CTNNA2: variants seen among roughly 807,000 people sequenced by gnomAD.
The protein encoded by CTNNA2 is catenin alpha 2, also known as catenin alpha-2.
Under a neutral mutation model 101.0 loss-of-function variants are expected in CTNNA2, and 42 were observed. That is an observed-to-expected ratio of 0.42 (90% CI 0.32 to 0.54). The LOEUF (loss-of-function observed/expected upper bound fraction) is 0.54. CTNNA2 is among the 20% of genes least tolerant of loss of function. The pLI, the probability that CTNNA2 is intolerant of heterozygous loss-of-function variation, is 0.14. For synonymous variants in CTNNA2, 450 were observed against 456.4 expected, an observed-to-expected ratio of 0.99 and a Z score of 0.18; for missense variants, 871 against 1,223.1, an observed-to-expected ratio of 0.71 and a Z score of 4.29.
chr2:79,657,990 T>A (rs1296045755), intron 2 of CTNNA2, among the ~76,000 whole-genome samples: 1 of 151,802 alleles, frequency 6.6e-6, no homozygotes, highest in East Asian at 1.9e-4. Context: ...ACAAGTAATA[T>A]GAAAATGAGG....
chr2:80,396,526 G>T (rs1434413169), intron 8 of CTNNA2, among the ~76,000 whole-genome samples: 1 of 152,140 alleles, frequency 6.6e-6, no homozygotes, highest in Non-Finnish European at 1.5e-5. Context: ...GGCCCACATG[G>T]TCTGTCCATC....
intron 3 of CTNNA2, among the ~76,000 whole-genome samples, chr2:79,349,443 G>A (rs1414518274): frequency 6.6e-6 from 1 of 152,150 alleles, no homozygotes; most frequent in Non-Finnish European, 1.5e-5. Flanking sequence ...TGCCCCAAGT[G>A]ATTCTGATTT....
intron 8 of CTNNA2, among the ~76,000 whole-genome samples, chr2:80,399,402 T>G (rs1344644249): frequency 6.6e-6 from 1 of 152,196 alleles, no homozygotes; most frequent in African/African-American, 2.4e-5. Context: ...TCAATTTATT[T>G]CTATAAGCCA....
chr2:80,390,541 T>C (rs1395995242), intron 7 of CTNNA2, among the ~76,000 whole-genome samples: 1 of 152,202 alleles, frequency 6.6e-6, no homozygotes, highest in African/African-American at 2.4e-5. Context: ...CTGTAGCAAC[T>C]GCAGTTACAA....
At chr2:79,635,837 C>T (rs62140103) in intron 1 of CTNNA2, among the ~76,000 whole-genome samples, 26,296 of 151,612 alleles carry the variant, frequency 0.17, 2,478 homozygotes, top group East Asian at 0.36. Flanking sequence ...GACATATGAC[C>T]ATAGGAGTTG....
At chr2:80,076,277 CCTTTTTTTTTTTT>C (rs1292597509) in intron 7 of CTNNA2, among the ~76,000 whole-genome samples, 1 of 146,784 alleles carries the variant, frequency 6.8e-6, no homozygotes, top group East Asian at 2.0e-4. Context: ...ATCATTTTTT[CCTTTTTTTTTTTT>C]CTTTTTTAGA....
At chr2:79,231,217 A>G (rs991471637) in intron 2 of CTNNA2, among the ~76,000 whole-genome samples, 8 of 152,192 alleles carry the variant, frequency 5.3e-5, no homozygotes, top group African/African-American at 1.9e-4. Context: ...CTTGAATTGT[A>G]TCTCCCAAAA....
intron 3 of CTNNA2, among the ~76,000 whole-genome samples, chr2:79,358,770 G>A (rs1295832620): frequency 6.6e-6 from 1 of 152,172 alleles, no homozygotes; most frequent in Non-Finnish European, 1.5e-5. Flanking sequence ...TAAGTAAACA[G>A]GAGCTCAGAG....
At chr2:80,374,058 T>TA (rs1675696932) in intron 7 of CTNNA2, among the ~76,000 whole-genome samples, 1 of 142,632 alleles carries the variant, frequency 7.0e-6, no homozygotes, top group Non-Finnish European at 1.5e-5. Context: ...CTGGGAAACT[T>TA]TAAAAAAAAA....
intron 4 of CTNNA2, among the ~76,000 whole-genome samples, chr2:79,487,954 A>G (rs901281726): frequency 6.6e-6 from 1 of 152,218 alleles, no homozygotes; most frequent in African/African-American, 2.4e-5. Flanking sequence ...GCTTTGGCTT[A>G]CGACACAAAG....
At chr2:80,533,782 T>A (rs1281735760) in intron 9 of CTNNA2, among the ~76,000 whole-genome samples, 1 of 152,148 alleles carries the variant, frequency 6.6e-6, no homozygotes. Context: ...TTTTAGTTCC[T>A]CCATGTAAAG....
At chr2:80,023,520 C>A (rs116079989) in intron 7 of CTNNA2, among the ~76,000 whole-genome samples, 1 of 151,914 alleles carries the variant, frequency 6.6e-6, no homozygotes, top group Non-Finnish European at 1.5e-5. Flanking sequence ...CTATGAGCTA[C>A]GAAAGACAGA....
At chr2:80,328,518 T>A (rs1370024819) in intron 7 of CTNNA2, among the ~76,000 whole-genome samples, 2 of 152,222 alleles carry the variant, frequency 1.3e-5, no homozygotes, top group Non-Finnish European at 2.9e-5. Context: ...CCCTAGTGGC[T>A]GGAGTGGGTC....
At chr2:79,470,701 G>T (rs1288354565) in intron 4 of CTNNA2, among the ~76,000 whole-genome samples, 1 of 152,226 alleles carries the variant, frequency 6.6e-6, no homozygotes, top group Non-Finnish European at 1.5e-5. Flanking sequence ...GAATGCTTCT[G>T]ATGCAACCGT....
chr2:79,574,838 T>C (rs757632817), intron 1 of CTNNA2, among the ~76,000 whole-genome samples: 1 of 152,190 alleles, frequency 6.6e-6, no homozygotes, highest in Non-Finnish European at 1.5e-5. Flanking sequence ...CCACCAGCTG[T>C]GTATAAGTGT....
intron 18 of CTNNA2, among the ~76,000 whole-genome samples, chr2:80,625,634 G>C (rs184474935): frequency 1.3e-5 from 2 of 151,968 alleles, no homozygotes; most frequent in East Asian, 3.9e-4. Flanking sequence ...TTTTTTCCCT[G>C]GTTCCCTGCA....
At chr2:79,314,076 T>A (rs1441301970) in intron 3 of CTNNA2, among the ~76,000 whole-genome samples, 1 of 152,072 alleles carries the variant, frequency 6.6e-6, no homozygotes, top group African/African-American at 2.4e-5. Context: ...TCACCTAAGG[T>A]GAGGAATCAT....
chr2:79,185,787 A>G (rs72816667), intron 1 of CTNNA2, among the ~76,000 whole-genome samples: 2,579 of 152,116 alleles, frequency 0.017, 25 homozygotes, highest in Non-Finnish European at 0.028. Context: ...TGGGGATGTT[A>G]GATTGTGTTC....
At chr2:80,113,576 C>T (rs986899570) in intron 7 of CTNNA2, among the ~76,000 whole-genome samples, 5 of 152,206 alleles carry the variant, frequency 3.3e-5, no homozygotes, top group South Asian at 2.1e-4. Flanking sequence ...AACACAGCCA[C>T]GCTCATTTGT....
Sources: allele counts gnomAD v4.1 joint callset (sites outside exome capture counted in the v4.1 genomes callset), GRCh38; gene constraint gnomAD v4.1.1; transcripts MANE v1.5; gene names NCBI Gene and HGNC (gene_info 2026-07-23, HGNC 2026-07-21).